ABHD18: variants seen among roughly 807,000 people sequenced by gnomAD.
The protein encoded by ABHD18 is abhydrolase domain containing 18.
In ABHD18, 55 loss-of-function variants were observed where a neutral mutation model predicts 65.9. The ratio of observed to expected loss-of-function variants is 0.84; its 90% CI spans 0.67 to 1.05. The LOEUF (loss-of-function observed/expected upper bound fraction) is 1.05. ABHD18 is among the 50% of genes least tolerant of loss of function. The pLI, the probability that ABHD18 is intolerant of heterozygous loss-of-function variation, is 0.00. For missense variants in ABHD18, 533 were observed against 558.5 expected, an observed-to-expected ratio of 0.95 and a Z score of 0.46; for synonymous variants, 181 against 180.2, an observed-to-expected ratio of 1.00 and a Z score of -0.04.
intron 4 of ABHD18, among the ~76,000 whole-genome samples, chr4:128,006,632 TAC>T (rs1753645587): frequency 6.6e-6 from 1 of 152,138 alleles, no homozygotes. Flanking sequence ...GCTGACAGAG[TAC>T]AGTCTTTTAC....
intron 9 of ABHD18, among the ~76,000 whole-genome samples, 196 bp from the exon 10 acceptor site, chr4:128,020,941 G>A (rs781660258): frequency 1.3e-5 from 2 of 151,970 alleles, no homozygotes; most frequent in Admixed American, 6.6e-5. Flanking sequence ...GGCGGAGGCA[G>A]GAGAATTGCT....
intron 7 of ABHD18, among the ~76,000 whole-genome samples, chr4:128,014,708 G>A (rs1475540441): frequency 6.6e-6 from 1 of 151,882 alleles, no homozygotes; most frequent in Non-Finnish European, 1.5e-5. Context: ...TGGACAGATT[G>A]CATGAGTCCA....
rs1297681351 is a variant in ABHD18, at chr4:127,984,514, A to ATGTAATGTTATATGGAGTAT, written c.177+91_177+92insTGTAATGTTATATGGAGTAT. 4 of 660,608 alleles carry ATGTAATGTTATATGGAGTAT rather than the reference A, an allele frequency of 6.1e-6. No individual in the cohort carries two copies. In the East Asian group the frequency reaches 1.2e-4, roughly 20 times the overall value. The allele number at this position is 660,608 out of a possible 1,614,324, so 40.9% of individuals were successfully genotyped here. On this transcript the variant is annotated intron_variant, in intron 3 of 12. Transcript: ENST00000645843. The stretch of plus-strand genomic sequence containing the variant: ...TTACATATTGGAGTATAACAACAAT[A>ATGTAATGTTATATGGAGTAT]AACACTAAAATATGAGTGCCGTATG...
rs147835439 is a variant in ABHD18, at chr4:127,972,654, C to T, written c.-18+7048C>T. Reference sequence around the variant, plus strand: ...CTCCTGACTTCAAGTGATCCACCTGCCTTGGCTTCTCAAAGTGCTGGGATT... The same window carrying T: ...CTCCTGACTTCAAGTGATCCACCTGTCTTGGCTTCTCAAAGTGCTGGGATT... On this transcript the variant is annotated intron_variant, in intron 1 of 12. Transcript: ENST00000645843. 5.7e-3 allele frequency among the ~76,000 whole-genome samples: 860 copies of T among 151,028 alleles called. 9 individuals are homozygous for T. Among genetic ancestry groups the T allele is most frequent in the Middle Eastern group, 0.021 (6 of 290 alleles).
chr4:127,982,509 G>C (rs1040767178), intron 1 of ABHD18, among the ~76,000 whole-genome samples: 7 of 152,116 alleles, frequency 4.6e-5, no homozygotes, highest in African/African-American at 1.7e-4. Context: ...TACTCTCTAT[G>C]CCTCAGTTTT....
chr4:128,013,149 G>A (rs1754866665), intron 7 of ABHD18, among the ~76,000 whole-genome samples: 1 of 151,740 alleles, frequency 6.6e-6, no homozygotes, highest in Non-Finnish European at 1.5e-5. Context: ...AAGTGCAATG[G>A]GAAGTGTCTA....
At chr4:127,966,410 AT>A (rs952982615) in intron 1 of ABHD18, among the ~76,000 whole-genome samples, 1 of 152,154 alleles carries the variant, frequency 6.6e-6, no homozygotes, top group African/African-American at 2.4e-5. Flanking sequence ...ACCAAACTTA[AT>A]TTTTTTAAAT....
At chr4:127,992,338 G>A (rs1485346351) in intron 4 of ABHD18, among the ~76,000 whole-genome samples, 3 of 152,072 alleles carry the variant, frequency 2.0e-5, no homozygotes, top group Non-Finnish European at 4.4e-5. Flanking sequence ...AGCCAGGCAT[G>A]GTGGCAGACA....
intron 4 of ABHD18, among the ~76,000 whole-genome samples, chr4:127,993,103 G>A (rs193236865): frequency 1.3e-3 from 194 of 152,130 alleles, no homozygotes; most frequent in Admixed American, 3.5e-3. Flanking sequence ...TAAAGCATAA[G>A]TGAATGTGTA....
rs144507677 is a variant in ABHD18 at position 128,022,856 on chromosome 4, C to T, written c.801+1618C>T. Among the ~76,000 whole-genome samples, 385 of 151,802 alleles carry T rather than the reference C, an allele frequency of 2.5e-3. 2 individuals carry two copies. The highest frequency in any genetic ancestry group is 8.7e-3 in the African/African-American group (361 of 41,402). ...TTAGCTCTCAGCTCACTGCAACCTC[C>T]GCATCCCAGATTCAAGCAATTCTCC... On this transcript the variant is annotated intron_variant, in intron 10 of 12. Coordinates refer to ENST00000645843, the MANE Select transcript of ABHD18 (RefSeq NM_001358451.3).
intron 9 of ABHD18, 51 bp from the exon 10 acceptor site, chr4:128,021,086 G>A: frequency 1.7e-6 from 2 of 1,146,744 alleles, no homozygotes; most frequent in Non-Finnish European, 2.5e-6. Context: ...AAAAGTATTG[G>A]GCAAATTGCC....
intron 1 of ABHD18, among the ~76,000 whole-genome samples, chr4:127,982,262 GCAAATCAAAAC>G (rs2149069393): frequency 6.6e-6 from 1 of 152,192 alleles, no homozygotes; most frequent in Admixed American, 6.5e-5. Flanking sequence ...GGTTTCACCC[GCAAATCAAAAC>G]CATACCATTC....
intron 7 of ABHD18, among the ~76,000 whole-genome samples, chr4:128,015,375 A>C (rs774605739): frequency 1.7e-4 from 26 of 152,226 alleles, no homozygotes. Flanking sequence ...CGAGTCTACT[A>C]TTATAAATAA....
At chr4:127,992,350 C>G (rs1189403181) in intron 4 of ABHD18, among the ~76,000 whole-genome samples, 1 of 152,016 alleles carries the variant, frequency 6.6e-6, no homozygotes, top group Non-Finnish European at 1.5e-5. Context: ...TGGCAGACAT[C>G]TGTAATCCCA....
chr4:128,014,208 C>T (rs1419637126), intron 7 of ABHD18, among the ~76,000 whole-genome samples: 1 of 151,854 alleles, frequency 6.6e-6, no homozygotes, highest in Non-Finnish European at 1.5e-5. Context: ...GTCTCGAACT[C>T]CCGACCTCAG....
Position 127,965,530 on chromosome 4 carries a change from T to C in ABHD18, c.-94T>C, listed in dbSNP as rs184316043. ...GATTGGGGCTGGGACCAAAGTTGAGTCCTGGAAAGGGAGCCTGGAGAGCGG... is the reference window on the plus strand; with the variant it reads ...GATTGGGGCTGGGACCAAAGTTGAGCCCTGGAAAGGGAGCCTGGAGAGCGG... On this transcript the variant is annotated 5_prime_UTR_variant, in exon 1 of 13. Coordinates refer to ENST00000645843, the MANE Select transcript of ABHD18 (RefSeq NM_001358451.3). 558 of 304,600 alleles carry C rather than the reference T, an allele frequency of 1.8e-3. 7 individuals carry two copies. The Admixed American group carries it at 0.021, about 11-fold the overall frequency. 18.9% of individuals were successfully genotyped at this position (304,600 alleles called of 1,614,324 possible). A position where few individuals can be genotyped will look rare whatever the true frequency, so the allele number is the denominator to read the frequency against.
At chr4:127,980,321 C>T (rs1044659575) in intron 1 of ABHD18, among the ~76,000 whole-genome samples, 1 of 152,170 alleles carries the variant, frequency 6.6e-6, no homozygotes, top group Non-Finnish European at 1.5e-5. Flanking sequence ...AATGTTTCCC[C>T]CTCAACCTTG....
chr4:128,002,607 GA>G (rs1295544834), intron 4 of ABHD18, among the ~76,000 whole-genome samples: 15 of 143,920 alleles, frequency 1.0e-4, no homozygotes, highest in South Asian at 2.2e-4. Flanking sequence ...AAAAGAAAAA[GA>G]AAAAAAAAAG....
chr4:127,997,552 C>G (rs1033056105), intron 4 of ABHD18, among the ~76,000 whole-genome samples: 1 of 152,196 alleles, frequency 6.6e-6, no homozygotes, highest in African/African-American at 2.4e-5. Flanking sequence ...CCTCTTCAGT[C>G]TGCCTCTCTT....
Sources: gnomAD v4.1 joint callset for allele counts (sites outside exome capture counted in the v4.1 genomes callset) on GRCh38, gnomAD v4.1.1 for gene constraint, MANE v1.5 for transcripts, NCBI Gene and HGNC (gene_info 2026-07-23, HGNC 2026-07-21) for gene names.